Variants in MMP24 observed in about 807,000 individuals in gnomAD.
The protein encoded by MMP24 is matrix metalloproteinase-24.
MMP24 carries 25 observed loss-of-function variants against 62.8 expected under a neutral mutation model. That is an observed-to-expected ratio of 0.40 (90% CI 0.29 to 0.56). MMP24 has a LOEUF of 0.56. MMP24 is among the 20% of genes least tolerant of loss of function. The pLI is 0.50. For synonymous variants in MMP24, 319 were observed against 350.5 expected, an observed-to-expected ratio of 0.91 and a Z score of 1.00; for missense variants, 634 against 853.6, an observed-to-expected ratio of 0.74 and a Z score of 3.21.
chr20:35,248,161 G>A (rs887605990), intron 2 of MMP24, among the ~76,000 whole-genome samples: 5 of 152,082 alleles, frequency 3.3e-5, no homozygotes, highest in Non-Finnish European at 5.9e-5. Flanking sequence ...TTGGTGGGGG[G>A]AGGAACAGGA....
At chr20:35,257,031 C>T (rs574440305) in intron 4 of MMP24, among the ~76,000 whole-genome samples, 63 of 152,226 alleles carry the variant, frequency 4.1e-4, no homozygotes, top group African/African-American at 1.5e-3. Context: ...TCCTGCCCTG[C>T]GGCTGCTCCA....
intron 4 of MMP24, among the ~76,000 whole-genome samples, chr20:35,261,255 T>C (rs937396332): frequency 1.3e-5 from 2 of 152,204 alleles, no homozygotes; most frequent in African/African-American, 4.8e-5. Context: ...GAGGATCTGG[T>C]TGCTGGCGCT....
intron 1 of MMP24, among the ~76,000 whole-genome samples, chr20:35,242,988 G>A (rs2060496557): frequency 6.6e-6 from 1 of 152,026 alleles, no homozygotes; most frequent in African/African-American, 2.4e-5. Flanking sequence ...GACCAGCCTG[G>A]CCAACATGGT....
At chr20:35,231,160 G>A (rs766760849) in intron 1 of MMP24, among the ~76,000 whole-genome samples, 8 of 152,148 alleles carry the variant, frequency 5.3e-5, no homozygotes, top group Non-Finnish European at 8.8e-5. Flanking sequence ...TGATTCTGAG[G>A]AAGATCAGAA....
chr20:35,272,805 A>T (rs1340751735), intron 8 of MMP24, among the ~76,000 whole-genome samples: 1 of 152,226 alleles, frequency 6.6e-6, no homozygotes, highest in Non-Finnish European at 1.5e-5. Context: ...GCAAATCTTT[A>T]ATAAGTTTTC....
chr20:35,251,775 C>A, intron 2 of MMP24, 130 bp from the exon 3 acceptor site: 1 of 681,162 alleles, frequency 1.5e-6, no homozygotes, highest in Non-Finnish European at 2.6e-6. Flanking sequence ...CCATCCAAGC[C>A]AGGGTCCCAG....
At chr20:35,227,068 G>C in intron 1 of MMP24, 84 bp downstream of exon 1, 1 of 958,074 alleles carries the variant, frequency 1.0e-6, no homozygotes, top group Non-Finnish European at 1.2e-6. Context: ...GCCTGGGCCG[G>C]GCCGCACCTA....
chr20:35,270,009 C>T (rs2060660024), intron 7 of MMP24, 111 bp downstream of exon 7: 1 of 1,354,604 alleles, frequency 7.4e-7, no homozygotes, highest in African/African-American at 1.5e-5. Context: ...CAGAGGGCCC[C>T]TCTAGTCTAA....
At chr20:35,249,627 C>T (rs2060534107) in intron 2 of MMP24, among the ~76,000 whole-genome samples, 1 of 150,436 alleles carries the variant, frequency 6.6e-6, no homozygotes, top group Admixed American at 6.6e-5. Context: ...CTCGCTCTGT[C>T]GCCCAGGTTG....
intron 1 of MMP24, among the ~76,000 whole-genome samples, chr20:35,244,537 T>C (rs2060504178): frequency 6.6e-6 from 1 of 152,104 alleles, no homozygotes; most frequent in African/African-American, 2.4e-5. Flanking sequence ...GCCTCCTGGG[T>C]TCAAGTGATT....
At position 35,271,529 on chromosome 20, in the gene MMP24, G is replaced by A; in HGVS notation, c.1334-40G>A. On this transcript the variant is annotated intron_variant, in intron 7 of 8. Transcript: ENST00000246186. The surrounding 1 kb of genome is among the most constrained non-coding windows in gnomAD (Gnocchi z 4.0). ...CCTGAAGATGGGCAAACGGCACTGA[G>A]TGACTGGGGAAGCTGATCCTGGGCT... 1.9e-6 allele frequency: 3 copies of A among 1,595,690 alleles called. No individual in the cohort carries two copies. Among genetic ancestry groups the A allele is most frequent in the Non-Finnish European group, 2.6e-6 (3 of 1,169,538 alleles).
rs73107212 is a variant in MMP24, at chr20:35,275,531, C to T, written c.*922C>T. Reference sequence around the variant, plus strand: ...CTGGAGGAAGATCCGAGTTTGTGACCGTCCTCCACTCCCCTCTATTGTCAC... The same window carrying T: ...CTGGAGGAAGATCCGAGTTTGTGACTGTCCTCCACTCCCCTCTATTGTCAC... On this transcript the variant is annotated 3_prime_UTR_variant, in exon 9 of 9. Coordinates refer to ENST00000246186, the MANE Select transcript of MMP24 (RefSeq NM_006690.4). 6,327 of 152,500 alleles carry T rather than the reference C, an allele frequency of 0.041. 193 individuals carry two copies. Among genetic ancestry groups the T allele is most frequent in the South Asian group, 0.081 (391 of 4,808 alleles). 9.4% of individuals were successfully genotyped at this position (152,500 alleles called of 1,614,324 possible).
At chr20:35,252,247 G>T (rs1453500129) in intron 3 of MMP24, among the ~76,000 whole-genome samples, 2 of 152,150 alleles carry the variant, frequency 1.3e-5, no homozygotes, top group East Asian at 3.8e-4. Context: ...GGTTTATTTG[G>T]TCCTCTGGGG....
Position 35,236,409 on chromosome 20 carries a change from T to C in MMP24, c.246+9425T>C, listed in dbSNP as rs538818855. On this transcript the variant is annotated intron_variant, in intron 1 of 8. Coordinates refer to ENST00000246186, the MANE Select transcript of MMP24 (RefSeq NM_006690.4). ...TGTTAAATTAGATGATCTCTGAGTATTGGTGACCAGTGCATTTTCTAGATA... is the reference window on the plus strand; with the variant it reads ...TGTTAAATTAGATGATCTCTGAGTACTGGTGACCAGTGCATTTTCTAGATA... 2.0e-5 allele frequency among the ~76,000 whole-genome samples: 3 copies of C among 152,334 alleles called. No homozygotes were observed. In the East Asian group the frequency reaches 5.8e-4, roughly 29 times the overall value.
chr20:35,251,956 T>C lies in MMP24; in HGVS notation c.447T>C (p.Arg149=), dbSNP rs777024624. 1.5e-5 allele frequency: 24 copies of C among 1,614,030 alleles called. No individual in the cohort carries two copies. Among genetic ancestry groups the C allele is most frequent in the Non-Finnish European group, 1.7e-5 (20 of 1,179,900 alleles). The change falls in exon 3 of 9, where the codon CGT becomes CGC. Residue 149 remains arginine (R), a synonymous_variant. Coordinates refer to ENST00000246186, the MANE Select transcript of MMP24 (RefSeq NM_006690.4). ...CGVPDHPHLS[R]RRRNKRYALT... is the part of the protein sequence containing the mutation. The stretch of plus-strand genomic sequence containing the variant: ...TCCCTGATCACCCCCACTTAAGCCG[T>C]AGGCGGAGAAACAAGCGCTATGCCC...
chr20:35,271,918 C>A lies in MMP24; in HGVS notation c.1600+83C>A. 1 of 1,434,514 alleles carries A rather than the reference C, an allele frequency of 7.0e-7. No individual in the cohort carries two copies. The highest frequency in any genetic ancestry group is 2.4e-5 in the East Asian group (1 of 41,800). The allele number at this position is 1,434,514 out of a possible 1,614,324, so 88.9% of individuals were successfully genotyped here. On this transcript the variant is annotated intron_variant, in intron 8 of 8. Coordinates refer to ENST00000246186, the MANE Select transcript of MMP24 (RefSeq NM_006690.4). This position sits in a 1 kb window ranked among gnomAD's most constrained non-coding sequence, Gnocchi z 4.0. Reference sequence around the variant, plus strand: ...AGTGCCCACGGGCATACTCAGTGCCCATGGGCGTCCAGGTTTGAAAAAACA... The same window carrying A: ...AGTGCCCACGGGCATACTCAGTGCCAATGGGCGTCCAGGTTTGAAAAAACA...
intron 1 of MMP24, among the ~76,000 whole-genome samples, chr20:35,233,033 G>C (rs1246659284): frequency 6.6e-6 from 1 of 152,166 alleles, no homozygotes; most frequent in Admixed American, 6.5e-5. Context: ...TTACAGGCAT[G>C]AGCCCTGGCC....
rs2060670392 is a variant in MMP24 at position 35,271,662 on chromosome 20, T to C, written c.1427T>C (p.Ile476Thr). 1 of 1,609,984 alleles carries C rather than the reference T, an allele frequency of 6.2e-7. No individual in the cohort carries two copies. The highest frequency in any genetic ancestry group is 8.5e-7 in the Non-Finnish European group (1 of 1,178,304). The change falls in exon 8 of 9, where the codon ATT (isoleucine) becomes ACT (threonine). Residue 476 changes from isoleucine to threonine, a missense_variant. Coordinates refer to ENST00000246186, the MANE Select transcript of MMP24 (RefSeq NM_006690.4). The surrounding 1 kb of genome is among the most constrained non-coding windows in gnomAD (Gnocchi z 4.0). The stretch of plus-strand genomic sequence containing the variant: ...GGCAGCTGTTTGCCCCGTGAAGGCA[T>C]TGACACAGCTCTGCGCTGGGAACCT... The part of the protein sequence containing the change: ...ELGSCLPREG[I>T]DTALRWEPVG...
At chr20:35,259,891 C>T (rs973456300) in intron 4 of MMP24, among the ~76,000 whole-genome samples, 3 of 152,138 alleles carry the variant, frequency 2.0e-5, no homozygotes, top group South Asian at 2.1e-4. Context: ...CTGGTATCAG[C>T]GCATTACACA....
Sources: allele counts gnomAD v4.1 joint callset (sites outside exome capture counted in the v4.1 genomes callset), GRCh38; gene constraint gnomAD v4.1.1; non-coding constraint Gnocchi (gnomAD v3.1); transcripts MANE v1.5; gene names NCBI Gene and HGNC (gene_info 2026-07-23, HGNC 2026-07-21).